The following DGKB variants were observed in gnomAD, a reference collection of about 807,000 sequenced individuals.
DGKB encodes the protein 90 kDa diacylglycerol kinase.
DGKB carries 67 observed loss-of-function variants against 114.3 expected under a neutral mutation model. That is an observed-to-expected ratio of 0.59 (90% CI 0.48 to 0.72). The LOEUF (loss-of-function observed/expected upper bound fraction) is 0.72. Ranked by LOEUF, DGKB falls within the 30% of genes least tolerant of loss-of-function variation. The pLI is 0.00. For synonymous variants in DGKB, 398 were observed against 323.1 expected (o/e 1.23, Z -2.49); for missense variants, 907 against 975.2 (o/e 0.93, Z 0.93).
chr7:14,789,239 C>T (rs2128503260), intron 2 of DGKB, among the ~76,000 whole-genome samples: 1 of 152,116 alleles, frequency 6.6e-6, no homozygotes, highest in South Asian at 2.1e-4. Context: ...TTGATATGAT[C>T]AATAAACAGA....
At chr7:14,446,199 T>C (rs1830706813) in intron 21 of DGKB, among the ~76,000 whole-genome samples, 1 of 152,096 alleles carries the variant, frequency 6.6e-6, no homozygotes, top group Non-Finnish European at 1.5e-5. Flanking sequence ...ATCCGGGCGA[T>C]AGTAGACCCA....
intron 16 of DGKB, among the ~76,000 whole-genome samples, chr7:14,611,114 T>C (rs961173637): frequency 6.6e-6 from 1 of 152,112 alleles, no homozygotes; most frequent in Non-Finnish European, 1.5e-5. Context: ...ACATCTACCA[T>C]ATAATAACCT....
At position 14,672,958 on chromosome 7, in the gene DGKB, G is replaced by T; in HGVS notation, c.1105C>A (p.Pro369Thr). 1 of 1,575,160 alleles carries T rather than the reference G, an allele frequency of 6.3e-7. No homozygotes were observed. Among genetic ancestry groups the T allele is most frequent in the Non-Finnish European group, 8.6e-7 (1 of 1,158,478 alleles). The change falls in exon 13 of 26, where the codon CCA becomes ACA. Residue 369 changes from proline to threonine, a missense_variant. By Grantham distance (38) the Pro-to-Thr change is conservative. Coordinates refer to ENST00000402815, the MANE Select transcript of DGKB (RefSeq NM_001350709.2). ...ACCACTGGACAGATTGTTGTGGGTG[G>T]TAAAATATGGTCCTTCAAAGGTCCA... ...DCGPLKDHIL[P>T]PTTICPVVLT...
intron 4 of DGKB, among the ~76,000 whole-genome samples, chr7:14,747,068 T>C (rs1833396286): frequency 6.6e-6 from 1 of 152,202 alleles, no homozygotes; most frequent in African/African-American, 2.4e-5. Flanking sequence ...ATTGCTGAAG[T>C]GTTACTGACA....
chr7:14,193,939 GA>G (rs1203084767), intron 23 of DGKB, among the ~76,000 whole-genome samples: 4 of 151,954 alleles, frequency 2.6e-5, no homozygotes, highest in Admixed American at 1.3e-4. Context: ...TTAGTTATAT[GA>G]AAAAAATGCT....
At chr7:14,183,598 T>C (rs1186394080) in intron 23 of DGKB, among the ~76,000 whole-genome samples, 1 of 152,224 alleles carries the variant, frequency 6.6e-6, no homozygotes, top group Non-Finnish European at 1.5e-5. Flanking sequence ...TTTTTCCATT[T>C]AAGACTCTCA....
intron 1 of DGKB, among the ~76,000 whole-genome samples, chr7:14,883,600 C>T (rs1458349261): frequency 6.6e-6 from 1 of 152,044 alleles, no homozygotes; most frequent in South Asian, 2.1e-4. Flanking sequence ...CTGGAGTGTA[C>T]ACTCAGAGCC....
intron 21 of DGKB, among the ~76,000 whole-genome samples, chr7:14,361,620 C>T (rs749214114): frequency 1.1e-4 from 16 of 152,008 alleles, no homozygotes; most frequent in Non-Finnish European, 1.6e-4. Flanking sequence ...TTTGCCAGTA[C>T]ATTCAAGTAC....
chr7:14,231,273 A>G (rs1791798199), intron 23 of DGKB, among the ~76,000 whole-genome samples: 1 of 151,904 alleles, frequency 6.6e-6, no homozygotes, highest in South Asian at 2.1e-4. Context: ...AGCTGGGACT[A>G]TAGGCCTGCA....
At chr7:14,227,655 C>G (rs1435168159) in intron 23 of DGKB, among the ~76,000 whole-genome samples, 1 of 151,900 alleles carries the variant, frequency 6.6e-6, no homozygotes, top group Non-Finnish European at 1.5e-5. Flanking sequence ...TGGCCTAGTC[C>G]TTTGTGCTGG....
chr7:14,960,029 A>T (rs1281319486), intron 1 of DGKB, among the ~76,000 whole-genome samples: 1 of 152,064 alleles, frequency 6.6e-6, no homozygotes, highest in Non-Finnish European at 1.5e-5. Context: ...AGGGAAGACA[A>T]CTTCATCGTC....
chr7:14,262,616 A>T (rs1796940488), intron 23 of DGKB, among the ~76,000 whole-genome samples: 1 of 152,114 alleles, frequency 6.6e-6, no homozygotes, highest in Non-Finnish European at 1.5e-5. Flanking sequence ...ATGGGACCCA[A>T]ATGTAGTTAC....
At chr7:14,684,515 T>A (rs1395127520) in intron 10 of DGKB, among the ~76,000 whole-genome samples, 1 of 152,186 alleles carries the variant, frequency 6.6e-6, no homozygotes, top group African/African-American at 2.4e-5. Flanking sequence ...TTTTCTCAGG[T>A]AGATATGCTG....
At chr7:14,482,684 T>C (rs1455971832) in intron 20 of DGKB, among the ~76,000 whole-genome samples, 1 of 152,082 alleles carries the variant, frequency 6.6e-6, no homozygotes, top group African/African-American at 2.4e-5. Context: ...AGGTAAGAGA[T>C]TGTGGTTCTG....
intron 23 of DGKB, among the ~76,000 whole-genome samples, chr7:14,337,837 T>C (rs180842580): frequency 2.6e-4 from 39 of 152,256 alleles, no homozygotes; most frequent in East Asian, 2.1e-3. Context: ...GAATATCACA[T>C]TGATATCTCT....
intron 5 of DGKB, among the ~76,000 whole-genome samples, chr7:14,728,095 T>TTA (rs368525644): frequency 6.6e-6 from 1 of 152,334 alleles, no homozygotes; most frequent in East Asian, 1.9e-4. Flanking sequence ...CCTATTGATA[T>TTA]TATAGCTTAT....
chr7:14,509,992 G>T (rs951420181), intron 20 of DGKB, among the ~76,000 whole-genome samples: 1 of 152,120 alleles, frequency 6.6e-6, no homozygotes, highest in Non-Finnish European at 1.5e-5. Flanking sequence ...TGGCTGACAC[G>T]GTGAAACCCC....
intron 23 of DGKB, among the ~76,000 whole-genome samples, chr7:14,274,119 A>G (rs1282580637): frequency 2.0e-5 from 3 of 152,166 alleles, no homozygotes; most frequent in Admixed American, 2.0e-4. Context: ...TCCAGGATTT[A>G]CAGTAGCAGG....
intron 21 of DGKB, among the ~76,000 whole-genome samples, chr7:14,412,896 G>T (rs148999677): frequency 6.6e-6 from 1 of 151,888 alleles, no homozygotes; most frequent in East Asian, 1.9e-4. Context: ...CAGGAGAATC[G>T]CTTGAACCCA....
Sources: allele counts gnomAD v4.1 joint callset (sites outside exome capture counted in the v4.1 genomes callset), GRCh38; gene constraint gnomAD v4.1.1; transcripts MANE v1.5; gene names NCBI Gene and HGNC (gene_info 2026-07-23, HGNC 2026-07-21).